The following KCNMA1 variants were observed in gnomAD, a reference collection of about 807,000 sequenced individuals.
KCNMA1 encodes the protein potassium calcium-activated channel subfamily M alpha 1.
KCNMA1 carries 29 observed loss-of-function variants against 140.0 expected under a neutral mutation model. The observed-to-expected ratio is 0.21, with a 90% CI of 0.15 to 0.28. KCNMA1 has a LOEUF of 0.28. KCNMA1 is among the 10% of genes least tolerant of loss of function. KCNMA1 has a pLI of 1.00. For missense variants in KCNMA1, 880 were observed against 1,602.2 expected (o/e 0.55, Z 7.70); for synonymous variants, 612 against 611.9 (o/e 1.00, Z 0.00).
chr10:77,143,596 A>T (rs1243669297), intron 5 of KCNMA1, among the ~76,000 whole-genome samples: 4 of 152,334 alleles, frequency 2.6e-5, no homozygotes, highest in Non-Finnish European at 5.9e-5. Context: ...TTAGTTTGAG[A>T]TGGATCACTG....
chr10:77,158,094 T>C (rs1357382810), intron 5 of KCNMA1, among the ~76,000 whole-genome samples: 1 of 151,990 alleles, frequency 6.6e-6, no homozygotes, highest in Admixed American at 6.6e-5. Flanking sequence ...GGGAAAATAA[T>C]CAGGAATAAG....
At chr10:77,139,410 G>T (rs962969697) in intron 5 of KCNMA1, among the ~76,000 whole-genome samples, 2 of 152,156 alleles carry the variant, frequency 1.3e-5, no homozygotes, top group Non-Finnish European at 2.9e-5. Context: ...TGAATATTTA[G>T]ATTCCAGGCA....
rs143685210 is a variant in KCNMA1, at chr10:76,952,503, G to A, written c.2484+1298C>T. The stretch of plus-strand genomic sequence containing the variant: ...CTGCACTCCAGCCTGGCGACAGAGC[G>A]AGACTCTGTCTCAAAAAAACAAAAC... On this transcript the variant is annotated intron_variant, in intron 21 of 27. Transcript: ENST00000286628. 1.3e-3 allele frequency among the ~76,000 whole-genome samples: 200 copies of A among 152,254 alleles called. 1 individual carries two copies. The highest frequency in any genetic ancestry group is 4.6e-3 in the African/African-American group (190 of 41,558).
At chr10:77,246,992 C>T (rs763065611) in intron 3 of KCNMA1, among the ~76,000 whole-genome samples, 1 of 152,182 alleles carries the variant, frequency 6.6e-6, no homozygotes, top group Non-Finnish European at 1.5e-5. Context: ...CAGATAAAGT[C>T]ATTAAGGAAA....
intron 1 of KCNMA1, among the ~76,000 whole-genome samples, chr10:77,614,921 G>C (rs921621035): frequency 6.6e-6 from 1 of 152,210 alleles, no homozygotes; most frequent in Non-Finnish European, 1.5e-5. Context: ...TTAACCAAAT[G>C]CCTGTGGCAG....
intron 10 of KCNMA1, 40 bp downstream of exon 10, chr10:77,090,360 T>C: frequency 7.8e-7 from 1 of 1,287,594 alleles, no homozygotes; most frequent in Non-Finnish European, 1.1e-6. Context: ...GCAGGGTGTG[T>C]GGTTGGGCAG....
chr10:76,974,460 T>C (rs1230990527), intron 19 of KCNMA1: 3 of 1,395,270 alleles, frequency 2.2e-6, no homozygotes, highest in Non-Finnish European at 3.0e-6. Context: ...TTATTAAAAA[T>C]GGGAATGGGT....
At chr10:77,133,075 C>A (rs1596678958) in intron 5 of KCNMA1, among the ~76,000 whole-genome samples, 1 of 144,290 alleles carries the variant, frequency 6.9e-6, no homozygotes. Context: ...TATATATTAA[C>A]AGAAAAAAAT....
At chr10:77,263,059 T>C (rs1330088396) in intron 2 of KCNMA1, among the ~76,000 whole-genome samples, 5 of 152,276 alleles carry the variant, frequency 3.3e-5, no homozygotes, top group Non-Finnish European at 5.9e-5. Flanking sequence ...TTCAGAAGCA[T>C]ATGTATATTT....
intron 9 of KCNMA1, among the ~76,000 whole-genome samples, chr10:77,107,569 G>C (rs376944465): frequency 1.3e-5 from 2 of 152,158 alleles, no homozygotes; most frequent in Admixed American, 6.5e-5. Flanking sequence ...CCTCTACTTA[G>C]GAAAAAACCT....
At chr10:76,989,164 G>A (rs1190258263) in intron 19 of KCNMA1, among the ~76,000 whole-genome samples, 1 of 152,090 alleles carries the variant, frequency 6.6e-6, no homozygotes, top group East Asian at 1.9e-4. Flanking sequence ...CCCGGGTTAG[G>A]GAGAGGGCCT....
chr10:76,979,813 C>T (rs965263011), intron 19 of KCNMA1: 11 of 152,126 alleles, frequency 7.2e-5, no homozygotes, highest in Admixed American at 7.2e-4. Flanking sequence ...CTTTCAAACT[C>T]AGATAAAGGT....
chr10:77,464,122 G>A (rs1455053073), intron 1 of KCNMA1, among the ~76,000 whole-genome samples: 1 of 152,118 alleles, frequency 6.6e-6, no homozygotes, highest in Non-Finnish European at 1.5e-5. Flanking sequence ...TGAGTTCCTG[G>A]TCCAGCTATT....
At chr10:77,350,673 C>A (rs879726437) in intron 2 of KCNMA1, 1 of 152,228 alleles carries the variant, frequency 6.6e-6, no homozygotes, top group Non-Finnish European at 1.5e-5. Context: ...CTATCAGGGA[C>A]CTTGGATAAG....
At chr10:76,941,022 A>AAGG (rs1565058483) in intron 23 of KCNMA1, among the ~76,000 whole-genome samples, 1,065 of 45,260 alleles carry the variant, frequency 0.024, 14 homozygotes, top group Middle Eastern at 0.061. Flanking sequence ...AGGAAGGAAG[A>AAGG]AAGAAAGAAA....
chr10:77,413,985 T>C (rs908175959), intron 1 of KCNMA1, among the ~76,000 whole-genome samples: 5 of 152,208 alleles, frequency 3.3e-5, no homozygotes, highest in Non-Finnish European at 1.5e-5. Flanking sequence ...TAGCCATTGC[T>C]TTCTGGGTGC....
intron 5 of KCNMA1, among the ~76,000 whole-genome samples, chr10:77,165,388 T>G (rs1257779412): frequency 1.3e-5 from 2 of 152,256 alleles, no homozygotes; most frequent in Non-Finnish European, 2.9e-5. Context: ...TTTTTAGGTC[T>G]GAGAAACATA....
intron 2 of KCNMA1, among the ~76,000 whole-genome samples, chr10:77,316,726 A>G (rs2080989902): frequency 6.6e-6 from 1 of 152,194 alleles, no homozygotes; most frequent in Admixed American, 6.5e-5. Context: ...CATCCCCAAG[A>G]TGCAAGTGTC....
At chr10:77,289,205 G>C (rs2072234454) in intron 2 of KCNMA1, among the ~76,000 whole-genome samples, 1 of 152,136 alleles carries the variant, frequency 6.6e-6, no homozygotes, top group Non-Finnish European at 1.5e-5. Flanking sequence ...AACCACACAG[G>C]AGCAGTTCCC....
Sources: allele counts gnomAD v4.1 joint callset (sites outside exome capture counted in the v4.1 genomes callset), GRCh38; gene constraint gnomAD v4.1.1; transcripts MANE v1.5; gene names NCBI Gene and HGNC (gene_info 2026-07-23, HGNC 2026-07-21).